Variants in ECM2 observed in about 807,000 individuals in gnomAD.
ECM2 encodes the protein extracellular matrix protein 2, also known as extracellular matrix protein 2, female organ and adipocyte specific.
ECM2 carries 57 observed loss-of-function variants against 67.5 expected under a neutral mutation model. The ratio of observed to expected loss-of-function variants is 0.84; its 90% confidence interval spans 0.68 to 1.05. ECM2 has a LOEUF of 1.05. Ranked by LOEUF, ECM2 falls within the 50% of genes least tolerant of loss-of-function variation. The pLI is 0.00. For synonymous variants in ECM2, 258 were observed against 294.5 expected (o/e 0.88, Z 1.27); for missense variants, 741 against 822.8 (o/e 0.90, Z 1.22).
intron 7 of ECM2, 130 bp downstream of exon 7, chr9:92,505,403 A>G (rs748549923): frequency 1.3e-4 from 106 of 808,756 alleles, no homozygotes; most frequent in Non-Finnish European, 1.8e-4. Context: ...TGCTTAAATT[A>G]CAGGAAATTC....
chr9:92,530,011 A>G (rs917946288), intron 1 of ECM2, among the ~76,000 whole-genome samples: 1 of 152,200 alleles, frequency 6.6e-6, no homozygotes, highest in Non-Finnish European at 1.5e-5. Flanking sequence ...TATAACAACT[A>G]CTTACATAGC....
downstream of ECM2, chr9:92,494,177 T>A: frequency 6.3e-7 from 1 of 1,593,772 alleles, no homozygotes; most frequent in African/African-American, 1.3e-5. Flanking sequence ...AAGAAATGAA[T>A]GAATGAATCG....
chr9:92,559,096 G>A, the ECM2 span, among the ~76,000 whole-genome samples: 1 of 152,192 alleles, frequency 6.6e-6, no homozygotes, highest in Non-Finnish European at 1.5e-5. Context: ...CGCCTCTGAA[G>A]TCTGCACACT....
the ECM2 span, among the ~76,000 whole-genome samples, chr9:92,548,374 G>A: frequency 1.3e-5 from 2 of 152,184 alleles, no homozygotes; most frequent in Admixed American, 1.3e-4. Flanking sequence ...TTTCAGCTCA[G>A]CAAAGGGAAC....
chr9:92,513,623 A>G (rs1847499102), intron 4 of ECM2, among the ~76,000 whole-genome samples: 1 of 152,234 alleles, frequency 6.6e-6, no homozygotes, highest in South Asian at 2.1e-4. Context: ...GGAATGAACT[A>G]CTGATACACA....
intron 4 of ECM2, 113 bp downstream of exon 4, chr9:92,514,517 TG>T (rs996315304): frequency 2.9e-6 from 4 of 1,371,954 alleles, no homozygotes; most frequent in Middle Eastern, 2.0e-4. Context: ...TCAGGTGATC[TG>T]GCCACCTCAG....
intron 7 of ECM2, among the ~76,000 whole-genome samples, chr9:92,504,660 G>A (rs980004816): frequency 6.6e-6 from 1 of 152,032 alleles, no homozygotes; most frequent in Admixed American, 6.6e-5. Context: ...TCAGCCTCCT[G>A]AGCAGCTACG....
chr9:92,497,590 C>T (rs958090141), intron 9 of ECM2, among the ~76,000 whole-genome samples: 6 of 149,838 alleles, frequency 4.0e-5, no homozygotes, highest in Non-Finnish European at 5.9e-5. Flanking sequence ...CGCCGTTGCA[C>T]TTCTGCCTGG....
Position 92,522,839 on chromosome 9 carries a change from A to AAAAAC in ECM2, c.23_27dup (p.Phe10ValfsTer31). ...TCAGTTTGAAAAATGATAAGCAGAA[A>AAAAAC]AAAACAAAACAAAACTGCAATCTTC... On this transcript the variant is annotated frameshift_variant, in exon 2 of 10. Coordinates refer to ENST00000344604, the MANE Select transcript of ECM2 (RefSeq NM_001393.4). LOFTEE classifies it high-confidence loss of function. 1 of 1,608,472 alleles carries AAAAAC rather than the reference A, an allele frequency of 6.2e-7. No homozygotes were observed. The highest frequency in any genetic ancestry group is 8.5e-7 in the Non-Finnish European group (1 of 1,178,806).
At position 92,496,229 on chromosome 9, in the gene ECM2, G is replaced by A; in HGVS notation, c.*86C>T. The A allele has an allele frequency of 6.7e-7, 1 of 1,489,616 alleles. No homozygotes were observed. The highest frequency in any genetic ancestry group is 8.8e-7 in the Non-Finnish European group (1 of 1,131,646). 92.3% of individuals were successfully genotyped at this position (1,489,616 alleles called of 1,614,324 possible). ...CATATAATGATACTGAGTATAACAG[G>A]AGGATTATGTCTCTCTTATTAATGA... On this transcript the variant is annotated 3_prime_UTR_variant, in exon 10 of 10. Transcript: ENST00000344604.
At chr9:92,516,134 G>A (rs1480574135) in intron 3 of ECM2, among the ~76,000 whole-genome samples, 1 of 151,186 alleles carries the variant, frequency 6.6e-6, no homozygotes, top group African/African-American at 2.4e-5. Flanking sequence ...CATGATCTCG[G>A]CTCACTGCAC....
intron 7 of ECM2, among the ~76,000 whole-genome samples, chr9:92,503,917 T>G (rs1251539626): frequency 6.6e-6 from 1 of 152,164 alleles, no homozygotes; most frequent in Non-Finnish European, 1.5e-5. Context: ...CATGGTTAAG[T>G]GAGGCAGGTG....
At position 92,517,706 on chromosome 9, in the gene ECM2, G is replaced by A. The variant is rs749619987; in HGVS notation, c.462C>T (p.Cys154=). ...PQTVIPEGEC[C]PVCSATVSYS... ...CTGTACCAGTAGCGGAGCAGACCGGGCAGCATTCCCCTTCAGGTATAACTG... is the reference window on the plus strand; with the variant it reads ...CTGTACCAGTAGCGGAGCAGACCGGACAGCATTCCCCTTCAGGTATAACTG... Residue 154 remains cysteine (C), a synonymous_variant, in exon 3 of 10, where the codon TGC becomes TGT. Transcript: ENST00000344604. 6.2e-7 allele frequency: 1 copy of A among 1,614,124 alleles called. No individual in the cohort carries two copies. The highest frequency in any genetic ancestry group is 8.5e-7 in the Non-Finnish European group (1 of 1,180,020).
At chr9:92,501,456 G>GT (rs904923208) in intron 8 of ECM2, among the ~76,000 whole-genome samples, 4 of 152,352 alleles carry the variant, frequency 2.6e-5, no homozygotes, top group Non-Finnish European at 5.9e-5. Flanking sequence ...CAGCAAGGAA[G>GT]TTTGGTTTGT....
At chr9:92,503,818 G>T (rs1846830460) in intron 7 of ECM2, among the ~76,000 whole-genome samples, 1 of 152,338 alleles carries the variant, frequency 6.6e-6, no homozygotes, top group East Asian at 1.9e-4. Flanking sequence ...ATCAGTAAGA[G>T]ACTAGTCAAA....
At chr9:92,526,334 T>TCAA (rs1172898188) in intron 1 of ECM2, among the ~76,000 whole-genome samples, 3 of 152,226 alleles carry the variant, frequency 2.0e-5, no homozygotes, top group Non-Finnish European at 4.4e-5. Flanking sequence ...GTATTTGTGT[T>TCAA]TTAAGCCAAG....
At chr9:92,552,064 GAT>G in the ECM2 span, among the ~76,000 whole-genome samples, 1 of 131,206 alleles carries the variant, frequency 7.6e-6, no homozygotes, top group Admixed American at 7.4e-5. Flanking sequence ...TCATATATGT[GAT>G]ATGATAGATC....
At chr9:92,556,276 T>A in the ECM2 span, among the ~76,000 whole-genome samples, 10 of 152,366 alleles carry the variant, frequency 6.6e-5, no homozygotes, top group African/African-American at 1.4e-4. Context: ...TCAATTTTTT[T>A]AAATTTATTG....
At chr9:92,505,490 T>C (rs1846945442) in intron 7 of ECM2, 43 bp downstream of exon 7, 2 of 1,499,302 alleles carry the variant, frequency 1.3e-6, no homozygotes, top group African/African-American at 2.8e-5. Flanking sequence ...GTACCATATT[T>C]CAAATATAAT....
Sources: allele counts gnomAD v4.1 joint callset (sites outside exome capture counted in the v4.1 genomes callset), GRCh38; gene constraint gnomAD v4.1.1; transcripts MANE v1.5; gene names NCBI Gene and HGNC (gene_info 2026-07-23, HGNC 2026-07-21).